TEX9: variants seen among roughly 807,000 people sequenced by gnomAD.
TEX9 encodes the protein testis-expressed protein 9.
In TEX9, 74 loss-of-function variants were observed where a neutral mutation model predicts 59.6. That is an observed-to-expected ratio of 1.24 (90% CI 1.03 to 1.51). The LOEUF (loss-of-function observed/expected upper bound fraction) is 1.51, where lower values mean the gene tolerates loss of function less well. Ranked by LOEUF, TEX9 falls within the 40% of genes most tolerant of loss-of-function variation. The pLI, the probability that TEX9 is intolerant of heterozygous loss-of-function variation, is 0.00. For missense variants in TEX9, 522 were observed against 447.8 expected, an observed-to-expected ratio of 1.17 and a Z score of -1.49; for synonymous variants, 186 against 152.2, an observed-to-expected ratio of 1.22 and a Z score of -1.64.
chr15:56,387,501 C>T (rs1224825152), intron 4 of TEX9, among the ~76,000 whole-genome samples: 1 of 151,690 alleles, frequency 6.6e-6, no homozygotes, highest in African/African-American at 2.4e-5. Flanking sequence ...CTAAGTATAT[C>T]TTTGTATTTA....
chr15:56,311,694 T>C (rs1375637525), intron 1 of TEX9, among the ~76,000 whole-genome samples: 44 of 145,804 alleles, frequency 3.0e-4, no homozygotes, highest in African/African-American at 1.1e-3. Flanking sequence ...GTATTTCCAG[T>C]TCTAGATCCC....
intron 1 of TEX9, among the ~76,000 whole-genome samples, chr15:56,339,864 T>C (rs2046339405): frequency 6.6e-6 from 1 of 152,014 alleles, no homozygotes; most frequent in East Asian, 1.9e-4. Flanking sequence ...TGACTGTCTC[T>C]AAACCAGGAA....
At chr15:56,395,133 C>A in intron 9 of TEX9, 1 of 362,694 alleles carries the variant, frequency 2.8e-6, no homozygotes, top group Non-Finnish European at 4.9e-6. Context: ...GACCCTGCTC[C>A]CCTCAATCCC....
intron 1 of TEX9, among the ~76,000 whole-genome samples, chr15:56,310,109 A>G (rs1449212598): frequency 6.6e-6 from 1 of 152,142 alleles, no homozygotes; most frequent in Non-Finnish European, 1.5e-5. Flanking sequence ...GGGCCATCCT[A>G]GGGACGTGGC....
intron 1 of TEX9, among the ~76,000 whole-genome samples, chr15:56,309,825 G>C (rs1461946188): frequency 6.7e-6 from 1 of 149,092 alleles, no homozygotes; most frequent in Admixed American, 6.8e-5. Flanking sequence ...TTTCAAGGGA[G>C]AATGAGAGAG....
intron 1 of TEX9, among the ~76,000 whole-genome samples, chr15:56,297,532 T>C (rs531738148): frequency 4.0e-4 from 61 of 152,350 alleles, no homozygotes; most frequent in African/African-American, 1.4e-3. Flanking sequence ...TTTGTTTTTT[T>C]CTCACTCTGT....
chr15:56,270,734 G>A (rs1158284484), intron 1 of TEX9, among the ~76,000 whole-genome samples: 1 of 152,154 alleles, frequency 6.6e-6, no homozygotes, highest in Non-Finnish European at 1.5e-5. Context: ...TAGCATTGAT[G>A]GTCTTTACAA....
intron 1 of TEX9, among the ~76,000 whole-genome samples, chr15:56,272,565 T>C (rs2044561156): frequency 6.6e-6 from 1 of 152,222 alleles, no homozygotes; most frequent in Non-Finnish European, 1.5e-5. Flanking sequence ...AATGCTGCTA[T>C]GAACATTCAT....
intron 1 of TEX9, among the ~76,000 whole-genome samples, chr15:56,250,673 G>T (rs191060454): frequency 2.0e-5 from 3 of 152,176 alleles, no homozygotes; most frequent in Admixed American, 6.5e-5. Flanking sequence ...TGATTGTGAG[G>T]CTGGCAAGTC....
At position 56,272,033 on chromosome 15, in the gene TEX9, A is replaced by G. The variant is rs988177506; in HGVS notation, c.-107+27755A>G. On this transcript the variant is annotated intron_variant, in intron 1 of 5. Coordinates refer to the TEX9 transcript ENST00000560827. Reference sequence around the variant, plus strand: ...GGGGTGGGCACCGGTAGTCGCAGCTACTCGGGAGGCTGAGGCAGGGGAATG... The same window carrying G: ...GGGGTGGGCACCGGTAGTCGCAGCTGCTCGGGAGGCTGAGGCAGGGGAATG... Among the ~76,000 whole-genome samples the G allele has an allele frequency of 2.0e-5, 3 of 151,792 alleles. No homozygotes were observed. In the East Asian group the frequency reaches 5.8e-4, roughly 29 times the overall value.
chr15:56,419,523 A>T (rs897653961), intron 10 of TEX9, among the ~76,000 whole-genome samples: 1 of 151,830 alleles, frequency 6.6e-6, no homozygotes, highest in African/African-American at 2.4e-5. Flanking sequence ...TATTGAAATT[A>T]TATTTTTCTT....
intron 1 of TEX9, among the ~76,000 whole-genome samples, chr15:56,272,098 C>T (rs570086657): frequency 2.6e-5 from 4 of 151,650 alleles, no homozygotes; most frequent in South Asian, 4.2e-4. Flanking sequence ...GAGCTGAGAT[C>T]GCGCCACTGC....
At chr15:56,307,104 C>T (rs1461558697) in intron 1 of TEX9, among the ~76,000 whole-genome samples, 1 of 152,124 alleles carries the variant, frequency 6.6e-6, no homozygotes, top group African/African-American at 2.4e-5. Context: ...GACTAAATAT[C>T]GGTGAGTACT....
intron 1 of TEX9, among the ~76,000 whole-genome samples, chr15:56,272,856 A>G (rs1296121373): frequency 1.3e-5 from 2 of 151,846 alleles, no homozygotes; most frequent in African/African-American, 2.4e-5. Context: ...CTATTTATGT[A>G]ATTTGTCCTT....
At chr15:56,326,084 C>T (rs1360043205) in intron 1 of TEX9, among the ~76,000 whole-genome samples, 1 of 152,164 alleles carries the variant, frequency 6.6e-6, no homozygotes, top group Admixed American at 6.5e-5. Flanking sequence ...GAGGGTCATC[C>T]AAGTGACAAG....
chr15:56,262,978 A>G (rs1489280818), intron 1 of TEX9, among the ~76,000 whole-genome samples: 1 of 152,116 alleles, frequency 6.6e-6, no homozygotes, highest in African/African-American at 2.4e-5. Flanking sequence ...GCTTTCACTC[A>G]GTCTCTGTAC....
chr15:56,446,392 TAGAAAAG>T (rs1156574459), downstream of TEX9, among the ~76,000 whole-genome samples: 7 of 152,030 alleles, frequency 4.6e-5, no homozygotes, highest in African/African-American at 1.7e-4. Flanking sequence ...TATCAGGAGT[TAGAAAAG>T]GGGATAAAAG....
intron 10 of TEX9, among the ~76,000 whole-genome samples, chr15:56,420,208 A>G (rs1489828263): frequency 2.0e-5 from 3 of 148,786 alleles, no homozygotes; most frequent in African/African-American, 7.5e-5. Flanking sequence ...GGTTTTATTG[A>G]TTTTCCTCTA....
At chr15:56,424,640 T>G (rs1364716178) in intron 10 of TEX9, among the ~76,000 whole-genome samples, 1 of 152,172 alleles carries the variant, frequency 6.6e-6, no homozygotes, top group East Asian at 1.9e-4. Context: ...CTACTCCTTT[T>G]CAGCCCCTGC....
Sources: allele counts gnomAD v4.1 joint callset (sites outside exome capture counted in the v4.1 genomes callset), GRCh38; gene constraint gnomAD v4.1.1; transcripts MANE v1.5; gene names NCBI Gene and HGNC (gene_info 2026-07-23, HGNC 2026-07-21).